FUT8: variants seen among roughly 807,000 people sequenced by gnomAD.
FUT8 encodes alpha-(1,6)-fucosyltransferase.
In FUT8, 29 loss-of-function variants were observed where a neutral mutation model predicts 71.3. The observed-to-expected ratio is 0.41, with a 90% CI of 0.30 to 0.55. The LOEUF (loss-of-function observed/expected upper bound fraction) is 0.55. FUT8 is among the 20% of genes least tolerant of loss of function. The pLI, the probability that FUT8 is intolerant of heterozygous loss-of-function variation, is 0.34. For synonymous variants in FUT8, 254 were observed against 239.3 expected (o/e 1.06, Z -0.57); for missense variants, 544 against 702.1 (o/e 0.77, Z 2.55).
chr14:65,632,583 C>A (rs1350737274), intron 6 of FUT8, among the ~76,000 whole-genome samples: 1 of 151,444 alleles, frequency 6.6e-6, no homozygotes, highest in African/African-American at 2.4e-5. Context: ...TTTTTTCTTA[C>A]TGGTTTGAGT....
At chr14:65,506,082 A>G (rs968899897) in intron 2 of FUT8, among the ~76,000 whole-genome samples, 3 of 152,236 alleles carry the variant, frequency 2.0e-5, no homozygotes, top group Non-Finnish European at 2.9e-5. Context: ...ACATATATGT[A>G]AGGTGAAAAT....
chr14:65,652,579 A>C lies in FUT8; in HGVS notation c.598-16664A>C, dbSNP rs1345325828. 2.0e-5 allele frequency among the ~76,000 whole-genome samples: 3 copies of C among 152,136 alleles called. No individual in the cohort carries two copies. The highest frequency in any genetic ancestry group is 4.4e-5 in the Non-Finnish European group (3 of 68,028). Reference sequence around the variant, plus strand: ...AGAGACTGGCTGGAAACAGGAAAACATTCCTGGGACTGTCTTCTGATTTTC... The same window carrying C: ...AGAGACTGGCTGGAAACAGGAAAACCTTCCTGGGACTGTCTTCTGATTTTC... On this transcript the variant is annotated intron_variant, in intron 6 of 10. Coordinates refer to ENST00000673929, the MANE Select transcript of FUT8 (RefSeq NM_001371533.1). The surrounding 1 kb of genome is among the most constrained non-coding windows in gnomAD (Gnocchi z 4.0).
intron 7 of FUT8, among the ~76,000 whole-genome samples, chr14:65,681,271 A>G (rs1447288602): frequency 2.0e-5 from 3 of 152,168 alleles, no homozygotes; most frequent in Non-Finnish European, 4.4e-5. Flanking sequence ...AAAAATTTTA[A>G]TCTCCTTCTG....
intron 1 of FUT8, among the ~76,000 whole-genome samples, chr14:65,433,420 G>C (rs2065506385): frequency 6.6e-6 from 1 of 152,220 alleles, no homozygotes; most frequent in South Asian, 2.1e-4. Flanking sequence ...TGTGCTATGT[G>C]TTTGTTGTCA....
intron 2 of FUT8, among the ~76,000 whole-genome samples, chr14:65,547,752 A>G (rs1278506897): frequency 6.6e-6 from 1 of 151,902 alleles, no homozygotes; most frequent in African/African-American, 2.4e-5. Flanking sequence ...TTTTAGAATT[A>G]TAGAAAATTA....
intron 1 of FUT8, among the ~76,000 whole-genome samples, chr14:65,446,696 C>T (rs571262910): frequency 9.1e-3 from 509 of 55,696 alleles, no homozygotes; most frequent in Middle Eastern, 0.019. Context: ...TTTTTTTTAA[C>T]ATGTTTAGAT....
intron 2 of FUT8, among the ~76,000 whole-genome samples, chr14:65,482,849 G>C (rs1340812103): frequency 1.3e-5 from 2 of 152,150 alleles, no homozygotes; most frequent in Non-Finnish European, 2.9e-5. Context: ...CTGCAGAGAA[G>C]TTTTGCTTGT....
At chr14:65,547,302 T>A (rs1885038478) in intron 2 of FUT8, among the ~76,000 whole-genome samples, 1 of 151,740 alleles carries the variant, frequency 6.6e-6, no homozygotes, top group South Asian at 2.1e-4. Flanking sequence ...TCAAATACTT[T>A]TATACCTCTT....
chr14:65,516,124 T>A (rs1882689481), intron 2 of FUT8: 1 of 151,912 alleles, frequency 6.6e-6, no homozygotes, highest in Non-Finnish European at 1.5e-5. Context: ...TTGTTGTGCT[T>A]GTGAATAACC....
chr14:65,742,366 A>G lies in FUT8; in HGVS notation c.1684A>G (p.Ile562Val). The change falls in exon 11 of 11, where the codon ATA (isoleucine) becomes GTA (valine). Residue 562 changes from isoleucine (I) to valine (V), a missense_variant. Coordinates refer to ENST00000673929, the MANE Select transcript of FUT8 (RefSeq NM_001371533.1). ...TCCCTCCTACAAAGTTCGAGAGAAG[A>G]TAGAAACGGTCAAGTACCCCACATA... ...LYPSYKVREKIETVKYPTYPE... is the reference protein window; with the variant it reads ...LYPSYKVREKVETVKYPTYPE... 1 of 1,612,740 alleles carries G rather than the reference A, an allele frequency of 6.2e-7. No individual in the cohort carries two copies. The highest frequency in any genetic ancestry group is 1.3e-5 in the African/African-American group (1 of 74,944).
chr14:65,392,377 T>C, the FUT8 span, among the ~76,000 whole-genome samples: 1 of 152,216 alleles, frequency 6.6e-6, no homozygotes, highest in South Asian at 2.1e-4. Context: ...GGAGAAATAT[T>C]TGGAAACATA....
chr14:65,699,476 A>G (rs1894176710), intron 7 of FUT8, among the ~76,000 whole-genome samples: 1 of 152,228 alleles, frequency 6.6e-6, no homozygotes, highest in Admixed American at 6.5e-5. Flanking sequence ...TAGAATCATT[A>G]CAAGATAGGG....
At chr14:65,661,205 A>G (rs1029877456) in intron 6 of FUT8, among the ~76,000 whole-genome samples, 1 of 152,200 alleles carries the variant, frequency 6.6e-6, no homozygotes, top group Non-Finnish European at 1.5e-5. Context: ...TTCAGTTTAC[A>G]GAAATAGCCA....
At chr14:65,735,261 T>A (rs1361125878) in intron 10 of FUT8, among the ~76,000 whole-genome samples, 1 of 152,124 alleles carries the variant, frequency 6.6e-6, no homozygotes, top group Non-Finnish European at 1.5e-5. Context: ...GAATTTTGGA[T>A]CCTCATAACT....
chr14:65,387,957 C>T, the FUT8 span, among the ~76,000 whole-genome samples: 1 of 152,080 alleles, frequency 6.6e-6, no homozygotes, highest in East Asian at 1.9e-4. Context: ...AAAAAGAAGC[C>T]AGAGTATGAT....
intron 3 of FUT8, among the ~76,000 whole-genome samples, chr14:65,567,732 C>T (rs536124014): frequency 9.2e-5 from 14 of 151,942 alleles, no homozygotes; most frequent in African/African-American, 3.4e-4. Flanking sequence ...GAGAACATTA[C>T]AGTGGGAACA....
At chr14:65,525,574 T>C (rs1169823204) in intron 2 of FUT8, among the ~76,000 whole-genome samples, 3 of 152,242 alleles carry the variant, frequency 2.0e-5, no homozygotes, top group Non-Finnish European at 4.4e-5. Flanking sequence ...AGTTCTGCTC[T>C]GATCTTAGTT....
chr14:65,416,315 CTTTTT>C (rs60272967), intron 1 of FUT8, among the ~76,000 whole-genome samples: 1 of 144,090 alleles, frequency 6.9e-6, no homozygotes, highest in Non-Finnish European at 1.5e-5. Flanking sequence ...ATTATGGTAC[CTTTTT>C]TTTTTTTTCC....
rs767670398 is a variant in FUT8 at position 65,422,949 on chromosome 14, C to A, written c.-326+9735C>A. On this transcript the variant is annotated intron_variant, in intron 1 of 10. Transcript: ENST00000673929. ...CTGGGATTACAGGGATGAGCCACTG[C>A]ACCTGGCCTCCTCAGTGATTTTCTT... Among the ~76,000 whole-genome samples the A allele has an allele frequency of 3.5e-4, 53 of 151,828 alleles. 1 individual carries two copies. Among genetic ancestry groups the A allele is most frequent in the Non-Finnish European group, 6.8e-4 (46 of 67,962 alleles).
Sources: gnomAD v4.1 joint callset for allele counts (sites outside exome capture counted in the v4.1 genomes callset) on GRCh38, gnomAD v4.1.1 for gene constraint, Gnocchi (gnomAD v3.1) non-coding constraint, MANE v1.5 for transcripts, NCBI Gene and HGNC (gene_info 2026-07-23, HGNC 2026-07-21) for gene names.